LAMB3: variants seen among roughly 807,000 people sequenced by gnomAD.
LAMB3 encodes laminin subunit beta 3.
A neutral mutation model predicts 140.3 loss-of-function variants in LAMB3; 104 were observed. That is an observed-to-expected ratio of 0.74 (90% confidence interval 0.63 to 0.87). The LOEUF (loss-of-function observed/expected upper bound fraction) is 0.87. Among genes scored for constraint, LAMB3 ranks in the 40% least tolerant of loss-of-function variants. LAMB3 has a pLI of 0.00. For missense variants in LAMB3, 1,531 were observed against 1,575.2 expected (o/e 0.97, Z 0.47); for synonymous variants, 592 against 602.9 (o/e 0.98, Z 0.26).
chr1:209,632,958 C>A, intron 7 of LAMB3, 112 bp downstream of exon 7: 2 of 1,080,262 alleles, frequency 1.9e-6, no homozygotes, highest in Non-Finnish European at 2.9e-6. Flanking sequence ...TATCAAATCC[C>A]CAACCACGTT....
intron 13 of LAMB3, 28 bp from the exon 14 acceptor site, chr1:209,626,054 G>A: frequency 1.2e-6 from 2 of 1,609,754 alleles, no homozygotes; most frequent in Non-Finnish European, 1.7e-6. Flanking sequence ...GACAGTCAGA[G>A]ACAGGGGTCA....
chr1:209,650,978 T>A lies in LAMB3; in HGVS notation c.-34A>T. On this transcript the variant is annotated 5_prime_UTR_variant, in exon 2 of 23. The change creates a new upstream start codon in the 5' untranslated region. Transcript: ENST00000356082. ...AATGGGGTGATCCCCAGAAAGGACCTTTCCTAGGACACAGCAAAGCAAACT... is the reference window on the plus strand; with the variant it reads ...AATGGGGTGATCCCCAGAAAGGACCATTCCTAGGACACAGCAAAGCAAACT... 1 of 1,612,216 alleles carries A rather than the reference T, an allele frequency of 6.2e-7. No homozygotes were observed. The highest frequency in any genetic ancestry group is 8.5e-7 in the Non-Finnish European group (1 of 1,178,232).
chr1:209,618,721 C>G, intron 18 of LAMB3, 62 bp from the exon 19 acceptor site: 2 of 1,513,866 alleles, frequency 1.3e-6, no homozygotes, highest in Admixed American at 1.8e-5. Flanking sequence ...TACGAGGCCT[C>G]TCCTAGCTGA....
chr1:209,615,796 A>G (rs1448462882), intron 22 of LAMB3, among the ~76,000 whole-genome samples: 4 of 152,174 alleles, frequency 2.6e-5, no homozygotes, highest in Non-Finnish European at 5.9e-5. Context: ...AGCTACTTTC[A>G]TTATGTTTCT....
chr1:209,622,835 A>G, intron 17 of LAMB3, 147 bp downstream of exon 17: 1 of 1,364,416 alleles, frequency 7.3e-7, no homozygotes. Flanking sequence ...AAAGAGAAAA[A>G]AAACTATCTT....
intron 1 of LAMB3, 135 bp from the exon 2 acceptor site, chr1:209,651,116 C>A: frequency 2.8e-6 from 2 of 702,484 alleles, no homozygotes; most frequent in Admixed American, 2.1e-5. Context: ...ACACTTGGAG[C>A]AGCAGATACA....
At chr1:209,642,981 T>C (rs565420855) in intron 3 of LAMB3, among the ~76,000 whole-genome samples, 1 of 152,328 alleles carries the variant, frequency 6.6e-6, no homozygotes, top group South Asian at 2.1e-4. Flanking sequence ...TCAGATGGCA[T>C]CATAGGCTTA....
At chr1:209,616,702 C>T in intron 21 of LAMB3, 78 bp from the exon 22 acceptor site, 1 of 1,406,224 alleles carries the variant, frequency 7.1e-7, no homozygotes. Context: ...CACTTGATAT[C>T]ACCCAAATCA....
rs560436471 is a variant in LAMB3 at position 209,650,773 on chromosome 1, G to A, written c.28+144C>T. On this transcript the variant is annotated intron_variant, in intron 2 of 22. Coordinates refer to ENST00000356082, the MANE Select transcript of LAMB3 (RefSeq NM_000228.3). The stretch of plus-strand genomic sequence containing the variant: ...CCCAAAGGAATGGGGAAATCTCACA[G>A]GTGTCCCCAGTAGACAAGTATTCCC... 71 of 826,020 alleles carry A rather than the reference G, an allele frequency of 8.6e-5. 1 individual carries two copies. The South Asian group carries it at 9.3e-4, about 11-fold the overall frequency. 51.2% of individuals were successfully genotyped at this position (826,020 alleles called of 1,614,324 possible). A position where few individuals can be genotyped will look rare whatever the true frequency, so the allele number is the denominator to read the frequency against.
rs558206664 is a variant in LAMB3, at chr1:209,617,697, C to A, written c.3052-111G>T. The A allele has an allele frequency of 1.1e-5, 15 of 1,363,654 alleles. No homozygotes were observed. The Admixed American group carries it at 1.9e-4, about 17-fold the overall frequency. The allele number at this position is 1,363,654 out of a possible 1,614,324, so 84.5% of individuals were successfully genotyped here. The stretch of plus-strand genomic sequence containing the variant: ...CAGCAAAAACCCTCTCCAACCAGAA[C>A]AAACACAATTGCCCACCTCTCACCC... On this transcript the variant is annotated intron_variant, in intron 20 of 22. Transcript: ENST00000356082.
intron 14 of LAMB3, 60 bp downstream of exon 14, chr1:209,625,588 C>G: frequency 6.3e-7 from 1 of 1,599,096 alleles, no homozygotes; most frequent in Non-Finnish European, 8.6e-7. Context: ...ACCAGCATGC[C>G]CGGTACTGGA....
At chr1:209,617,865 G>C in intron 20 of LAMB3, 42 bp downstream of exon 20, 1 of 1,613,798 alleles carries the variant, frequency 6.2e-7, no homozygotes, top group Non-Finnish European at 8.5e-7. Context: ...AAATTTTCCT[G>C]TTTATGCCCA....
intron 5 of LAMB3, 131 bp downstream of exon 5, chr1:209,637,777 C>T: frequency 2.6e-6 from 2 of 776,638 alleles, no homozygotes; most frequent in African/African-American, 1.7e-5. Flanking sequence ...CCTCTTCTGT[C>T]ACCATGATAT....
chr1:209,622,042 G>A (rs944164878), intron 18 of LAMB3, among the ~76,000 whole-genome samples: 1 of 152,182 alleles, frequency 6.6e-6, no homozygotes, highest in Non-Finnish European at 1.5e-5. Context: ...ATGACCCAGA[G>A]GACAAGAAGC....
intron 3 of LAMB3, among the ~76,000 whole-genome samples, chr1:209,646,642 C>A (rs191737634): frequency 6.6e-6 from 1 of 152,274 alleles, no homozygotes; most frequent in Non-Finnish European, 1.5e-5. Flanking sequence ...GTGAGGTACG[C>A]GAACGCATGT....
chr1:209,630,063 G>A (rs972161219), intron 9 of LAMB3, 138 bp from the exon 10 acceptor site: 18 of 805,946 alleles, frequency 2.2e-5, no homozygotes, highest in Non-Finnish European at 3.8e-5. Context: ...CTGAGGGCAA[G>A]GGAGGTTTGT....
At chr1:209,618,172 G>T in intron 19 of LAMB3, 124 bp from the exon 20 acceptor site, 2 of 1,255,218 alleles carry the variant, frequency 1.6e-6, no homozygotes, top group Non-Finnish European at 2.3e-6. Flanking sequence ...AGCAAGGAAA[G>T]TATTAACTCA....
chr1:209,618,469 A>G lies in LAMB3; in HGVS notation c.2892T>C (p.Ala964=). The change falls in exon 19 of 23, where the codon GCT becomes GCC. Residue 964 remains alanine, a synonymous_variant. Coordinates refer to ENST00000356082, the MANE Select transcript of LAMB3 (RefSeq NM_000228.3). ...GGCCATACCTGGCTTCCTCAGCCTC[A>G]GCCTGCAACCGGCGGGCACGCGCAA... ...QDIARARRLQ[A]EAEEARSRAH... 3.1e-6 allele frequency: 5 copies of G among 1,614,096 alleles called. No homozygotes were observed. Among genetic ancestry groups the G allele is most frequent in the Non-Finnish European group, 4.2e-6 (5 of 1,180,040 alleles).
intron 10 of LAMB3, 96 bp from the exon 11 acceptor site, chr1:209,628,286 C>T: frequency 2.2e-6 from 3 of 1,363,194 alleles, no homozygotes; most frequent in Non-Finnish European, 2.0e-6. Flanking sequence ...ATCCTTGTTC[C>T]ACCACTGGAT....
Sources: allele counts gnomAD v4.1 joint callset (sites outside exome capture counted in the v4.1 genomes callset), GRCh38; gene constraint gnomAD v4.1.1; transcripts MANE v1.5; gene names NCBI Gene and HGNC (gene_info 2026-07-23, HGNC 2026-07-21).